Variants in CSMD3 observed in about 807,000 individuals in gnomAD.
The protein encoded by CSMD3 is CUB and Sushi multiple domains 3.
CSMD3 carries 177 observed loss-of-function variants against 435.2 expected under a neutral mutation model. The observed-to-expected ratio is 0.41, with a 90% CI of 0.36 to 0.46. CSMD3 has a LOEUF of 0.46. Among genes scored for constraint, CSMD3 ranks in the 20% least tolerant of loss-of-function variants. The pLI is 0.34. For synonymous variants in CSMD3, 1,656 were observed against 1,520.5 expected (o/e 1.09, Z -2.07); for missense variants, 4,265 against 4,504.6 (o/e 0.95, Z 1.52).
chr8:112,585,902 A>G (rs1830687797), intron 23 of CSMD3, among the ~76,000 whole-genome samples: 1 of 151,692 alleles, frequency 6.6e-6, no homozygotes, highest in Non-Finnish European at 1.5e-5. Flanking sequence ...TTGAAAAAAC[A>G]TAACTTACTT....
chr8:112,700,729 A>G (rs976475468), intron 13 of CSMD3, among the ~76,000 whole-genome samples: 35 of 152,098 alleles, frequency 2.3e-4, no homozygotes, highest in Non-Finnish European at 2.4e-4. Flanking sequence ...GTCAATTGCA[A>G]CATAAACTAC....
At chr8:112,921,500 A>C in intron 10 of CSMD3, 127 bp downstream of exon 10, 1 of 845,268 alleles carries the variant, frequency 1.2e-6, no homozygotes, top group Non-Finnish European at 1.9e-6. Flanking sequence ...AATATCAATA[A>C]ATATATGAGC....
chr8:112,561,543 T>C (rs1828623729), intron 24 of CSMD3, among the ~76,000 whole-genome samples: 1 of 151,646 alleles, frequency 6.6e-6, no homozygotes, highest in Non-Finnish European at 1.5e-5. Flanking sequence ...CATAGTTGTG[T>C]CAGACTCAAA....
intron 9 of CSMD3, among the ~76,000 whole-genome samples, chr8:112,944,460 T>C (rs2083543805): frequency 6.6e-6 from 1 of 151,742 alleles, no homozygotes; most frequent in Non-Finnish European, 1.5e-5. Flanking sequence ...CCAATAAACA[T>C]GCTTTGGTCT....
At chr8:112,793,741 C>T (rs1227506029) in intron 13 of CSMD3, among the ~76,000 whole-genome samples, 3 of 152,082 alleles carry the variant, frequency 2.0e-5, no homozygotes, top group Non-Finnish European at 4.4e-5. Flanking sequence ...CTTATTTGAA[C>T]GTGGTTTGAA....
chr8:112,807,420 T>C (rs754125691), intron 12 of CSMD3, among the ~76,000 whole-genome samples: 1 of 152,082 alleles, frequency 6.6e-6, no homozygotes, highest in Admixed American at 6.6e-5. Flanking sequence ...TGAAAGCTTA[T>C]GCTTTGCCTA....
chr8:113,136,488 C>A (rs1464292011), intron 4 of CSMD3, among the ~76,000 whole-genome samples: 1 of 151,550 alleles, frequency 6.6e-6, no homozygotes, highest in East Asian at 1.9e-4. Context: ...AAGAGGTAGA[C>A]AAAGGCAAAA....
At position 112,336,675 on chromosome 8, in the gene CSMD3, T is replaced by C. The variant is rs773236726; in HGVS notation, c.6996A>G (p.Pro2332=). The C allele has an allele frequency of 6.2e-7, 1 of 1,611,860 alleles. No individual in the cohort carries two copies. The highest frequency in any genetic ancestry group is 1.1e-5 in the South Asian group (1 of 91,034). The change falls in exon 44 of 71, where the codon CCA becomes CCG. Residue 2332 remains proline, a synonymous_variant. Coordinates refer to ENST00000297405, the MANE Select transcript of CSMD3 (RefSeq NM_198123.2). ...YINFTVLQTE[P]IYDFITVWDG... is the part of the protein sequence containing the mutation. ...ACCATACAGTAATGAAATCATATAT[T>C]GGTTCTGTTTGAAGGACAGTAAAAT...
At chr8:113,367,292 T>C (rs1338168160) in intron 1 of CSMD3, among the ~76,000 whole-genome samples, 3 of 152,040 alleles carry the variant, frequency 2.0e-5, no homozygotes, top group South Asian at 2.1e-4. Context: ...AATAACATAT[T>C]CTTTTTTATA....
At chr8:112,569,114 G>A (rs1006616389) in intron 24 of CSMD3, among the ~76,000 whole-genome samples, 6 of 152,128 alleles carry the variant, frequency 3.9e-5, no homozygotes, top group Non-Finnish European at 8.8e-5. Context: ...GGATTCCCAG[G>A]AAAGATTTTG....
intron 3 of CSMD3, among the ~76,000 whole-genome samples, chr8:113,185,749 G>A (rs988695700): frequency 3.0e-4 from 45 of 151,792 alleles, no homozygotes; most frequent in East Asian, 3.9e-4. Context: ...GTGTGCATGC[G>A]TGTGTGTGTG....
chr8:113,217,596 G>A (rs188043327), intron 3 of CSMD3, among the ~76,000 whole-genome samples: 91 of 151,604 alleles, frequency 6.0e-4, no homozygotes, highest in Non-Finnish European at 1.1e-3. Context: ...ATTTAACAGC[G>A]TATTCAAAAT....
intron 6 of CSMD3, among the ~76,000 whole-genome samples, chr8:113,015,238 C>A (rs1377484013): frequency 1.3e-5 from 2 of 151,996 alleles, no homozygotes; most frequent in Non-Finnish European, 2.9e-5. Context: ...AAGTTCTGTC[C>A]AATAAATATG....
At chr8:112,732,699 CAAAA>C (rs34891739) in intron 13 of CSMD3, among the ~76,000 whole-genome samples, 3 of 97,184 alleles carry the variant, frequency 3.1e-5, no homozygotes, top group Admixed American at 1.1e-4. Flanking sequence ...GACTCCATCT[CAAAA>C]AAAAAAAAAA....
chr8:112,576,199 A>G (rs1331269070), intron 23 of CSMD3, among the ~76,000 whole-genome samples: 1 of 152,228 alleles, frequency 6.6e-6, no homozygotes, highest in Non-Finnish European at 1.5e-5. Context: ...GGAAATAAAA[A>G]TTGGATGTTG....
intron 24 of CSMD3, among the ~76,000 whole-genome samples, chr8:112,566,492 G>A (rs534925473): frequency 6.6e-6 from 1 of 152,138 alleles, no homozygotes; most frequent in African/African-American, 2.4e-5. Flanking sequence ...TAATGATATA[G>A]GAGTTAAGAA....
intron 3 of CSMD3, among the ~76,000 whole-genome samples, chr8:113,180,661 T>C (rs1220062435): frequency 1.3e-5 from 2 of 152,042 alleles, no homozygotes; most frequent in Non-Finnish European, 2.9e-5. Flanking sequence ...TCTCATAGAA[T>C]TAAATGTTTA....
intron 2 of CSMD3, chr8:113,313,488 A>AT (rs1563686837): frequency 6.6e-6 from 1 of 152,076 alleles, no homozygotes; most frequent in African/African-American, 2.4e-5. Context: ...CACCCGGCTA[A>AT]TTTTTTGTAT....
At chr8:112,897,352 G>A (rs890393928) in intron 10 of CSMD3, among the ~76,000 whole-genome samples, 2 of 151,202 alleles carry the variant, frequency 1.3e-5, no homozygotes, top group Non-Finnish European at 3.0e-5. Flanking sequence ...TATATTTGTG[G>A]AATAAATTAA....
Sources: allele counts gnomAD v4.1 joint callset (sites outside exome capture counted in the v4.1 genomes callset), GRCh38; gene constraint gnomAD v4.1.1; transcripts MANE v1.5; gene names NCBI Gene and HGNC (gene_info 2026-07-23, HGNC 2026-07-21).